FSTL5: variants seen among roughly 807,000 people sequenced by gnomAD.
FSTL5 encodes the protein follistatin like 5.
A neutral mutation model predicts 89.1 loss-of-function variants in FSTL5; 62 were observed. The ratio of observed to expected loss-of-function variants is 0.70; its 90% CI spans 0.57 to 0.86. The LOEUF is 0.86. Ranked by LOEUF, FSTL5 falls within the 40% of genes least tolerant of loss-of-function variation. The pLI, the probability that FSTL5 is intolerant of heterozygous loss-of-function variation, is 0.00. For missense variants in FSTL5, 1,057 were observed against 1,001.6 expected (o/e 1.06, Z -0.75); for synonymous variants, 383 against 346.2 (o/e 1.11, Z -1.18).
At chr4:161,803,801 A>G (rs572945642) in intron 4 of FSTL5, among the ~76,000 whole-genome samples, 1 of 152,036 alleles carries the variant, frequency 6.6e-6, no homozygotes, top group Non-Finnish European at 1.5e-5. Context: ...CAACTGTATT[A>G]TCTGATAGTT....
chr4:161,983,261 C>T (rs1735875206), intron 3 of FSTL5, among the ~76,000 whole-genome samples: 1 of 152,186 alleles, frequency 6.6e-6, no homozygotes, highest in South Asian at 2.1e-4. Flanking sequence ...TGTTTCCTTT[C>T]CGTCTTTTAT....
At chr4:161,802,638 T>A (rs1190136672) in intron 4 of FSTL5, among the ~76,000 whole-genome samples, 1 of 151,716 alleles carries the variant, frequency 6.6e-6, no homozygotes, top group East Asian at 1.9e-4. Context: ...GATTTAATGG[T>A]TGGCAGGTGT....
At chr4:162,060,178 A>C (rs1560997123) in intron 2 of FSTL5, among the ~76,000 whole-genome samples, 2 of 152,108 alleles carry the variant, frequency 1.3e-5, no homozygotes, top group Non-Finnish European at 2.9e-5. Flanking sequence ...CATTTCTCTT[A>C]TGTCTATACT....
intron 1 of FSTL5, among the ~76,000 whole-genome samples, chr4:162,111,740 C>A (rs1731452694): frequency 6.6e-6 from 1 of 151,910 alleles, no homozygotes; most frequent in Admixed American, 6.6e-5. Context: ...ACTTAATTTT[C>A]TAATTATCGG....
intron 12 of FSTL5, among the ~76,000 whole-genome samples, chr4:161,481,999 T>C (rs775136147): frequency 3.7e-4 from 57 of 152,192 alleles, no homozygotes; most frequent in Non-Finnish European, 5.9e-4. Context: ...AAACCACTAA[T>C]AAGAGAGACT....
At chr4:161,550,557 T>TTTTATTTATTTATTTA (rs35953683) in intron 8 of FSTL5, among the ~76,000 whole-genome samples, 1 of 142,244 alleles carries the variant, frequency 7.0e-6, no homozygotes, top group Non-Finnish European at 1.5e-5. Context: ...GTAACTTCTT[T>TTTTATTTATTTATTTA]TTTATTTATT....
At chr4:161,405,684 A>T (rs1249344380) in intron 15 of FSTL5, among the ~76,000 whole-genome samples, 2 of 152,206 alleles carry the variant, frequency 1.3e-5, no homozygotes, top group African/African-American at 2.4e-5. Context: ...GAATCTATTC[A>T]TCTAAGAACT....
intron 7 of FSTL5, among the ~76,000 whole-genome samples, chr4:161,601,937 TAGAA>T (rs1360197577): frequency 3.3e-5 from 5 of 151,720 alleles, no homozygotes; most frequent in Admixed American, 3.3e-4. Flanking sequence ...ACACATAAAA[TAGAA>T]AGAAAAAATA....
At chr4:161,684,945 A>T (rs578161154) in intron 6 of FSTL5, among the ~76,000 whole-genome samples, 1 of 152,278 alleles carries the variant, frequency 6.6e-6, no homozygotes, top group African/African-American at 2.4e-5. Context: ...AGAGACGAAG[A>T]TCCAGTTTCA....
At chr4:161,868,537 C>T (rs994999327) in intron 4 of FSTL5, among the ~76,000 whole-genome samples, 6 of 152,140 alleles carry the variant, frequency 3.9e-5, no homozygotes, top group Non-Finnish European at 5.9e-5. Context: ...ATTTGATCTC[C>T]ACAATATTGT....
intron 15 of FSTL5, chr4:161,387,852 A>G (rs1481927253): frequency 6.6e-6 from 1 of 152,016 alleles, no homozygotes; most frequent in Non-Finnish European, 1.5e-5. Flanking sequence ...TGAGGAGACT[A>G]TTTGCTGTCA....
chr4:161,679,273 T>C (rs1220154827), intron 6 of FSTL5, among the ~76,000 whole-genome samples: 1 of 151,806 alleles, frequency 6.6e-6, no homozygotes, highest in Non-Finnish European at 1.5e-5. Flanking sequence ...TGTTCACAAA[T>C]GACAATGATA....
intron 7 of FSTL5, among the ~76,000 whole-genome samples, chr4:161,610,118 A>C (rs1001978260): frequency 2.0e-5 from 3 of 152,160 alleles, no homozygotes; most frequent in African/African-American, 7.2e-5. Flanking sequence ...ATACTGTACT[A>C]GAGAAATTTT....
At chr4:161,605,225 T>G (rs1159670972) in intron 7 of FSTL5, among the ~76,000 whole-genome samples, 2 of 152,214 alleles carry the variant, frequency 1.3e-5, no homozygotes, top group African/African-American at 2.4e-5. Flanking sequence ...GAAAATTCAT[T>G]TATTCACATG....
chr4:161,499,342 A>C (rs1197604009), intron 12 of FSTL5, among the ~76,000 whole-genome samples: 1 of 152,240 alleles, frequency 6.6e-6, no homozygotes, highest in Non-Finnish European at 1.5e-5. Flanking sequence ...ATAAAAGGAC[A>C]TTAGATTTCT....
intron 15 of FSTL5, among the ~76,000 whole-genome samples, chr4:161,434,535 A>C (rs867570467): frequency 1.5e-4 from 23 of 152,200 alleles, no homozygotes; most frequent in Admixed American, 8.5e-4. Flanking sequence ...TTTGTATCCG[A>C]TAAGCACAGG....
chr4:161,616,901 T>C (rs1447970967), intron 7 of FSTL5, among the ~76,000 whole-genome samples: 57 of 150,750 alleles, frequency 3.8e-4, no homozygotes, highest in East Asian at 1.9e-4. Flanking sequence ...AGAGTAACTA[T>C]AACGTATAAT....
chr4:161,584,426 T>A (rs1347616802), intron 8 of FSTL5, among the ~76,000 whole-genome samples: 3 of 152,242 alleles, frequency 2.0e-5, no homozygotes, highest in Non-Finnish European at 4.4e-5. Context: ...TTTGTTACTA[T>A]AATTATCCTT....
intron 1 of FSTL5, among the ~76,000 whole-genome samples, chr4:162,139,388 G>A (rs1561040469): frequency 6.6e-6 from 1 of 151,946 alleles, no homozygotes; most frequent in Non-Finnish European, 1.5e-5. Context: ...AATTCCTGAA[G>A]AAGGAATAGG....
Sources: allele counts gnomAD v4.1 joint callset (sites outside exome capture counted in the v4.1 genomes callset), GRCh38; gene constraint gnomAD v4.1.1; transcripts MANE v1.5; gene names NCBI Gene and HGNC (gene_info 2026-07-23, HGNC 2026-07-21).